The following DEPDC4 variants were observed in gnomAD, a reference collection of about 807,000 sequenced individuals.
DEPDC4 encodes DEP domain-containing protein 4.
A neutral mutation model predicts 52.0 loss-of-function variants in DEPDC4; 52 were observed. That is an observed-to-expected ratio of 1.00 (90% CI 0.80 to 1.26). The LOEUF is 1.26. Ranked by LOEUF, DEPDC4 falls within the 50% of genes most tolerant of loss-of-function variation. The pLI is 0.00. For synonymous variants in DEPDC4, 201 were observed against 196.8 expected (o/e 1.02, Z -0.18); for missense variants, 530 against 546.9 (o/e 0.97, Z 0.31).
intron 8 of DEPDC4, among the ~76,000 whole-genome samples, chr12:100,248,454 A>T (rs902183527): frequency 3.3e-5 from 5 of 152,194 alleles, no homozygotes; most frequent in African/African-American, 1.2e-4. Context: ...GCCTAAAGAC[A>T]CTGAATGAAA....
At chr12:100,276,330 T>C in the DEPDC4 span, among the ~76,000 whole-genome samples, 8 of 152,134 alleles carry the variant, frequency 5.3e-5, no homozygotes, top group Non-Finnish European at 1.0e-4. Flanking sequence ...TTATTTTCTT[T>C]CTTTTTATTT....
chr12:100,263,978 G>A (rs1262963249), intron 1 of DEPDC4, 85 bp from the exon 2 acceptor site: 2 of 1,226,356 alleles, frequency 1.6e-6, no homozygotes, highest in African/African-American at 3.1e-5. Flanking sequence ...CCTTATGCTT[G>A]TTGAAGGCAT....
At chr12:100,261,845 C>G (rs2096254754) in intron 3 of DEPDC4, 1 of 453,570 alleles carries the variant, frequency 2.2e-6, no homozygotes, top group African/African-American at 2.0e-5. Context: ...TTCTTGGAAA[C>G]AGTAAAAATA....
At chr12:100,253,432 G>T in intron 5 of DEPDC4, 57 bp downstream of exon 5, 1 of 713,170 alleles carries the variant, frequency 1.4e-6, no homozygotes, top group Middle Eastern at 5.7e-4. Context: ...ATTTCAACTT[G>T]TATATTTTAA....
chr12:100,258,498 A>G (rs1393247978), intron 3 of DEPDC4, among the ~76,000 whole-genome samples: 1 of 152,234 alleles, frequency 6.6e-6, no homozygotes, highest in African/African-American at 2.4e-5. Flanking sequence ...ACCTTAAAGT[A>G]TATTACTTTA....
chr12:100,269,470 A>T (rs192148754), upstream of DEPDC4, among the ~76,000 whole-genome samples: 847 of 152,200 alleles, frequency 5.6e-3, 8 homozygotes, highest in African/African-American at 0.019. Context: ...AATTAATTAG[A>T]TGTTCCTCAT....
chr12:100,264,686 A>T (rs1169890431), intron 1 of DEPDC4, among the ~76,000 whole-genome samples: 1 of 152,114 alleles, frequency 6.6e-6, no homozygotes, highest in Non-Finnish European at 1.5e-5. Flanking sequence ...CTCAAAAAAA[A>T]AAAAAGTTTG....
chr12:100,259,945 CTT>C (rs563354954), intron 3 of DEPDC4, among the ~76,000 whole-genome samples: 13 of 137,578 alleles, frequency 9.4e-5, no homozygotes, highest in Admixed American at 1.5e-4. Context: ...CCTCCTATGT[CTT>C]TTTTTTTTTT....
the DEPDC4 span, among the ~76,000 whole-genome samples, chr12:100,279,705 G>A: frequency 6.6e-6 from 1 of 152,126 alleles, no homozygotes; most frequent in Non-Finnish European, 1.5e-5. Context: ...GTTCTTACAG[G>A]TTTCTGCTGA....
At position 100,266,917 on chromosome 12, in the gene DEPDC4, T is replaced by A. The variant is rs1339779847; in HGVS notation, c.157+3A>T. 1.1e-5 allele frequency: 17 copies of A among 1,613,042 alleles called. No individual in the cohort carries two copies. The highest frequency in any genetic ancestry group is 1.4e-5 in the Non-Finnish European group (16 of 1,179,442). Reference sequence around the variant, plus strand: ...CACATTTGGCTAGGATATACAGGGCTACCTGTCCTCCTTTTCCGGCAGAAG... The same window carrying A: ...CACATTTGGCTAGGATATACAGGGCAACCTGTCCTCCTTTTCCGGCAGAAG... On this transcript the variant is annotated splice_donor_region_variant and intron_variant, in intron 1 of 9. Transcript: ENST00000550587.
downstream of DEPDC4, among the ~76,000 whole-genome samples, chr12:100,236,890 C>T (rs1175356480): frequency 1.3e-5 from 2 of 152,176 alleles, no homozygotes; most frequent in African/African-American, 4.8e-5. Context: ...CAGTTTCATT[C>T]TCCTACATGT....
chr12:100,244,089 C>A lies in DEPDC4; in HGVS notation c.1454-1520G>T, dbSNP rs1180492373. On this transcript the variant is annotated intron_variant, in intron 8 of 9. Transcript: ENST00000550587. ...TGTCTCCCTCTCTCTCTCTCTCTCT[C>A]TCTGTGTATATATATATATATATAT... 9.6e-3 allele frequency among the ~76,000 whole-genome samples: 257 copies of A among 26,650 alleles called. 5 individuals are homozygous for A. The highest frequency in any genetic ancestry group is 0.012 in the Non-Finnish European group (182 of 15,124). The allele number at this position is 26,650 out of a possible 152,430, so 17.5% of individuals were successfully genotyped here. A position where few individuals can be genotyped will look rare whatever the true frequency, so the allele number is the denominator to read the frequency against.
intron 3 of DEPDC4, chr12:100,261,661 C>T: frequency 2.2e-6 from 1 of 455,924 alleles, no homozygotes; most frequent in South Asian, 1.6e-5. Flanking sequence ...GACTATAGCA[C>T]CTCCAGTTAA....
At chr12:100,252,928 T>G (rs1429561520) in intron 5 of DEPDC4, among the ~76,000 whole-genome samples, 1 of 152,220 alleles carries the variant, frequency 6.6e-6, no homozygotes, top group East Asian at 1.9e-4. Flanking sequence ...GTTTCTTTCT[T>G]TTTATTTTGA....
At chr12:100,261,798 C>T (rs1462586054) in intron 3 of DEPDC4, 3 of 456,382 alleles carry the variant, frequency 6.6e-6, no homozygotes, top group Non-Finnish European at 8.8e-6. Flanking sequence ...GGAGTCAACA[C>T]ACTAATACAC....
chr12:100,263,395 TAA>T, intron 2 of DEPDC4, 100 bp downstream of exon 2: 1 of 1,006,490 alleles, frequency 9.9e-7, no homozygotes, highest in Non-Finnish European at 1.4e-6. Context: ...TTTTTTTTTT[TAA>T]TTGGCTTCTG....
chr12:100,259,950 T>C (rs2096247899), intron 3 of DEPDC4, among the ~76,000 whole-genome samples: 1 of 147,364 alleles, frequency 6.8e-6, no homozygotes, highest in African/African-American at 2.4e-5. Flanking sequence ...TATGTCTTTT[T>C]TTTTTTTTTA....
the DEPDC4 span, among the ~76,000 whole-genome samples, chr12:100,274,040 C>T: frequency 6.6e-6 from 1 of 152,184 alleles, no homozygotes; most frequent in African/African-American, 2.4e-5. Flanking sequence ...TAAATGTTTT[C>T]ATAATGCCAG....
intron 7 of DEPDC4, among the ~76,000 whole-genome samples, chr12:100,249,504 C>A (rs1307459568): frequency 6.6e-6 from 1 of 152,102 alleles, no homozygotes; most frequent in African/African-American, 2.4e-5. Context: ...ACAAAAACCC[C>A]CAAACAAAAT....
Sources: gnomAD v4.1 joint callset for allele counts (sites outside exome capture counted in the v4.1 genomes callset) on GRCh38, gnomAD v4.1.1 for gene constraint, MANE v1.5 for transcripts, NCBI Gene and HGNC (gene_info 2026-07-23, HGNC 2026-07-21) for gene names.